STRN: variants seen among roughly 807,000 people sequenced by gnomAD.
STRN encodes striatin, also known as protein phosphatase 2 regulatory subunit B'''alpha.
A neutral mutation model predicts 96.3 loss-of-function variants in STRN; 53 were observed. The observed-to-expected ratio is 0.55, with a 90% CI of 0.44 to 0.69. The LOEUF is 0.69. STRN is among the 30% of genes least tolerant of loss of function. The probability of loss-of-function intolerance (pLI) is 0.00; values close to 1 mark genes in which losing one functional copy is unlikely to be tolerated. For missense variants in STRN, 987 were observed against 963.9 expected, an observed-to-expected ratio of 1.02 and a Z score of -0.32; for synonymous variants, 428 against 355.9, an observed-to-expected ratio of 1.20 and a Z score of -2.28.
At chr2:36,923,929 C>T (rs150696731) in intron 2 of STRN, among the ~76,000 whole-genome samples, 1 of 152,270 alleles carries the variant, frequency 6.6e-6, no homozygotes, top group East Asian at 1.9e-4. Context: ...AAAAATCTCA[C>T]TCATGACCTA....
chr2:36,911,124 T>A (rs1669955577), intron 3 of STRN, among the ~76,000 whole-genome samples: 1 of 152,336 alleles, frequency 6.6e-6, no homozygotes, highest in East Asian at 1.9e-4. Flanking sequence ...CACCATCATC[T>A]ATAAATCCCT....
intron 15 of STRN, among the ~76,000 whole-genome samples, chr2:36,853,400 T>C (rs902532044): frequency 6.6e-6 from 1 of 152,168 alleles, no homozygotes; most frequent in African/African-American, 2.4e-5. Flanking sequence ...GAGAGAGACG[T>C]TTCAGAGAAT....
chr2:36,856,703 T>C (rs983232334), intron 14 of STRN, among the ~76,000 whole-genome samples: 2 of 152,204 alleles, frequency 1.3e-5, no homozygotes, highest in African/African-American at 2.4e-5. Flanking sequence ...CTATCTCTCA[T>C]ACGGTTTGGA....
intron 1 of STRN, among the ~76,000 whole-genome samples, chr2:36,963,844 C>G (rs1418717218): frequency 1.3e-5 from 2 of 151,944 alleles, no homozygotes; most frequent in African/African-American, 2.4e-5. Context: ...GTAATCCCAG[C>G]TACTTGGGAG....
chr2:36,860,781 T>C (rs899643694), intron 13 of STRN, among the ~76,000 whole-genome samples: 11 of 152,280 alleles, frequency 7.2e-5, no homozygotes, highest in African/African-American at 2.6e-4. Context: ...TCCTTAAAAG[T>C]TGTTTGACAA....
chr2:36,935,377 G>C (rs1228036102), intron 1 of STRN, among the ~76,000 whole-genome samples: 2 of 152,224 alleles, frequency 1.3e-5, no homozygotes, highest in Admixed American at 1.3e-4. Flanking sequence ...TTATATTAAT[G>C]TTCAGCAAAA....
rs766894688 is a variant in STRN, at chr2:36,861,111, G to A, written c.1669+21C>T. On this transcript the variant is annotated intron_variant, in intron 13 of 17. Transcript: ENST00000263918. ...TTAAAAAACCAATTTTATTCCTTCA[G>A]ATCTTTGGGAAATCACCTACCATAA... The A allele has an allele frequency of 1.4e-5, 22 of 1,610,570 alleles. No homozygotes were observed. The Admixed American group carries it at 3.5e-4, about 26-fold the overall frequency.
chr2:36,854,099 T>A (rs928023571), intron 15 of STRN, among the ~76,000 whole-genome samples: 3 of 152,206 alleles, frequency 2.0e-5, no homozygotes, highest in African/African-American at 7.2e-5. Flanking sequence ...TAACCTGCAG[T>A]CATTAAAAAG....
intron 15 of STRN, among the ~76,000 whole-genome samples, chr2:36,852,522 T>C (rs1668245929): frequency 6.6e-6 from 1 of 152,182 alleles, no homozygotes; most frequent in Non-Finnish European, 1.5e-5. Flanking sequence ...ATGACGTCTC[T>C]CATATGGTTC....
intron 9 of STRN, among the ~76,000 whole-genome samples, chr2:36,881,050 C>T (rs1279069652): frequency 2.6e-5 from 4 of 151,532 alleles, no homozygotes; most frequent in Non-Finnish European, 5.9e-5. Context: ...CCTTCCTAGC[C>T]CTAATCAGCT....
At chr2:36,894,579 G>C (rs1210891398) in intron 6 of STRN, among the ~76,000 whole-genome samples, 1 of 152,144 alleles carries the variant, frequency 6.6e-6, no homozygotes, top group Non-Finnish European at 1.5e-5. Context: ...AGCTCTTTAT[G>C]AACTGTCTCC....
Position 36,849,169 on chromosome 2 carries a change from G to A in STRN, c.*287C>T, listed in dbSNP as rs1237352092. ...GACAAGCTAAACTTGTATTCGCTCA[G>A]GCCTGCCTAGCGAATTAGAACCACC... On this transcript the variant is annotated 3_prime_UTR_variant, in exon 18 of 18. Coordinates refer to ENST00000263918, the MANE Select transcript of STRN (RefSeq NM_003162.4). 5.6e-6 allele frequency: 2 copies of A among 357,858 alleles called. No individual in the cohort carries two copies. The highest frequency in any genetic ancestry group is 1.0e-4 in the East Asian group (2 of 19,182). The allele number at this position is 357,858 out of a possible 1,614,324, so 22.2% of individuals were successfully genotyped here. A position where few individuals can be genotyped will look rare whatever the true frequency, so the allele number is the denominator to read the frequency against.
At chr2:36,881,006 A>C (rs1669054526) in intron 9 of STRN, among the ~76,000 whole-genome samples, 1 of 152,084 alleles carries the variant, frequency 6.6e-6, no homozygotes, top group East Asian at 1.9e-4. Context: ...TTAGAACTTA[A>C]GACTATAGGT....
intron 1 of STRN, among the ~76,000 whole-genome samples, chr2:36,962,193 A>G (rs1665045215): frequency 1.3e-5 from 2 of 152,184 alleles, no homozygotes; most frequent in Admixed American, 1.3e-4. Flanking sequence ...TTGGGGAGTG[A>G]AAATACAAAT....
At chr2:36,906,470 T>C (rs1012397612) in intron 3 of STRN, among the ~76,000 whole-genome samples, 1 of 151,662 alleles carries the variant, frequency 6.6e-6, no homozygotes, top group Non-Finnish European at 1.5e-5. Flanking sequence ...AAACAATGAA[T>C]GAATGAATGA....
At chr2:36,850,010 T>A (rs1458101767) in intron 16 of STRN, among the ~76,000 whole-genome samples, 2 of 152,226 alleles carry the variant, frequency 1.3e-5, no homozygotes, top group African/African-American at 4.8e-5. Context: ...AATTTTAGAT[T>A]ACACTTTTGT....
chr2:36,965,849 G>C (rs1410898936), intron 1 of STRN, among the ~76,000 whole-genome samples: 1 of 152,134 alleles, frequency 6.6e-6, no homozygotes, highest in African/African-American at 2.4e-5. Flanking sequence ...ACCTAGGAAG[G>C]GGCACACCAG....
At chr2:36,959,246 C>A (rs531983931) in intron 1 of STRN, among the ~76,000 whole-genome samples, 1 of 152,024 alleles carries the variant, frequency 6.6e-6, no homozygotes, top group Admixed American at 6.6e-5. Context: ...ATCTTTATGC[C>A]TGTTATCTAA....
At chr2:36,849,843 C>T in intron 16 of STRN, 43 bp from the exon 17 acceptor site, 1 of 1,581,134 alleles carries the variant, frequency 6.3e-7, no homozygotes, top group Non-Finnish European at 8.7e-7. Context: ...TGCCTTTCCT[C>T]ATCTTCAATA....
Sources: gnomAD v4.1 joint callset for allele counts (sites outside exome capture counted in the v4.1 genomes callset) on GRCh38, gnomAD v4.1.1 for gene constraint, MANE v1.5 for transcripts, NCBI Gene and HGNC (gene_info 2026-07-23, HGNC 2026-07-21) for gene names.